The following TTC7A variants were observed in gnomAD, a reference collection of about 807,000 sequenced individuals.
TTC7A encodes the protein tetratricopeptide repeat domain 7A.
TTC7A carries 110 observed loss-of-function variants against 103.7 expected under a neutral mutation model. The observed-to-expected ratio is 1.06, with a 90% confidence interval of 0.91 to 1.24. The LOEUF is 1.24. Ranked by LOEUF, TTC7A falls within the 50% of genes most tolerant of loss-of-function variation. The pLI is 0.00. For missense variants in TTC7A, 1,340 were observed against 1,116.3 expected (o/e 1.20, Z -2.86); for synonymous variants, 521 against 467.9 (o/e 1.11, Z -1.47).
At chr2:47,005,299 A>C (rs1015923167) in intron 8 of TTC7A, among the ~76,000 whole-genome samples, 66 of 152,266 alleles carry the variant, frequency 4.3e-4, no homozygotes, top group Non-Finnish European at 5.9e-4. Context: ...AGAAGAGGGC[A>C]CTGGGGGCCA....
chr2:47,006,716 T>G lies in TTC7A; in HGVS notation c.1279T>G (p.Cys427Gly). ...CCAGGTGGCCCTCTCCATGGTGGCT[T>G]GTGGGAAGGTAAGGCCCAGGGGGCG... Reference protein sequence around the residue: ...WYQVALSMVACGKSAYAVSLL... With the variant: ...WYQVALSMVAGGKSAYAVSLL... The change falls in exon 10 of 20, where the codon TGT (cysteine) becomes GGT (glycine). Residue 427 changes from cysteine (C) to glycine (G), a missense_variant. Coordinates refer to ENST00000319190, the MANE Select transcript of TTC7A (RefSeq NM_020458.4). 8 of 1,613,634 alleles carry G rather than the reference T, an allele frequency of 5.0e-6. No individual in the cohort carries two copies. In the South Asian group the frequency reaches 8.8e-5, roughly 18 times the overall value.
intron 3 of TTC7A, among the ~76,000 whole-genome samples, chr2:46,959,200 G>A (rs1050983568): frequency 5.3e-5 from 8 of 152,180 alleles, no homozygotes; most frequent in Admixed American, 2.6e-4. Context: ...GACTGAGGCT[G>A]ACAAAAAGGA....
chr2:46,924,869 T>C (rs2103816665), intron 2 of TTC7A, among the ~76,000 whole-genome samples: 1 of 152,376 alleles, frequency 6.6e-6, no homozygotes, highest in East Asian at 1.9e-4. Flanking sequence ...TCAAGCAATC[T>C]GCCTGCCTTG....
At chr2:47,051,997 G>T in intron 18 of TTC7A, 117 bp downstream of exon 18, 1 of 1,320,726 alleles carries the variant, frequency 7.6e-7, no homozygotes, top group South Asian at 1.5e-5. Context: ...AGGCCCACGC[G>T]GGTTACAGAG....
rs1675832967 is a variant in TTC7A, at chr2:46,993,481, G to A, written c.796G>A (p.Glu266Lys). Residue 266 changes from glutamate (E) to lysine (K), a missense_variant, in exon 6 of 20, where the codon GAG becomes AAG. By Grantham distance (56) the Glu-to-Lys change is moderately conservative. Coordinates refer to ENST00000319190, the MANE Select transcript of TTC7A (RefSeq NM_020458.4). ...NIVKGMRELR[E>K]VLRTVETKAT... ...CGTGAAGGGCATGAGAGAGCTCCGG[G>A]AGGTGCTGCGGACTGTGGAGACCAA... 1.9e-6 allele frequency: 3 copies of A among 1,614,200 alleles called. No individual in the cohort carries two copies. Among genetic ancestry groups the A allele is most frequent in the Non-Finnish European group, 2.5e-6 (3 of 1,180,028 alleles).
intron 5 of TTC7A, among the ~76,000 whole-genome samples, chr2:46,984,520 C>T (rs1200805756): frequency 6.6e-6 from 1 of 152,206 alleles, no homozygotes; most frequent in African/African-American, 2.4e-5. Flanking sequence ...ATTTTCACAG[C>T]TGTTAACTTC....
intron 2 of TTC7A, among the ~76,000 whole-genome samples, chr2:46,925,802 TA>T (rs1395624754): frequency 6.6e-6 from 1 of 152,188 alleles, no homozygotes; most frequent in Non-Finnish European, 1.5e-5. Flanking sequence ...CAATGGAAGA[TA>T]AAAATAAAGT....
In TTC7A at chr2:46,994,446, C is replaced by T; in HGVS notation, c.933C>T (p.Phe311=). Residue 311 remains phenylalanine (F), a synonymous_variant, in exon 7 of 20, where the codon TTC becomes TTT. Transcript: ENST00000319190. ...WSPLSHPLPE[F]MGKEESSFAT... ...CCCTGTCCCACCCTCTGCCTGAGTT[C>T]ATGGGCAAGGAGGAGAGTTCTTTCG... The T allele has an allele frequency of 1.2e-5, 20 of 1,614,106 alleles. No homozygotes were observed. Among genetic ancestry groups the T allele is most frequent in the Non-Finnish European group, 1.7e-5 (20 of 1,179,982 alleles).
At chr2:47,003,592 A>G (rs13425630) in intron 8 of TTC7A, among the ~76,000 whole-genome samples, 51,172 of 151,996 alleles carry the variant, frequency 0.34, 10,230 homozygotes, top group African/African-American at 0.56. Context: ...TGGTCTGCAC[A>G]GACAGGCAGG....
At chr2:47,029,125 T>G in intron 14 of TTC7A, 99 bp from the exon 15 acceptor site, 181 of 1,417,544 alleles carry the variant, frequency 1.3e-4, no homozygotes, top group Non-Finnish European at 1.6e-4. Context: ...GGGGCTCCCT[T>G]GAGTTGAGTG....
At chr2:47,022,122 T>C (rs1679361142) in intron 12 of TTC7A, 143 bp downstream of exon 12, 1 of 611,438 alleles carries the variant, frequency 1.6e-6, no homozygotes, top group Non-Finnish European at 2.9e-6. Context: ...GAGATGCCCA[T>C]GTGTGCACAC....
chr2:47,072,779 G>GCAACCTT (rs1441463640), intron 19 of TTC7A, among the ~76,000 whole-genome samples: 1 of 147,528 alleles, frequency 6.8e-6, no homozygotes, highest in Non-Finnish European at 1.5e-5. Flanking sequence ...ACGGCATGAA[G>GCAACCTT]CAACCTTTGT....
At chr2:46,954,935 C>T (rs185912066) in intron 2 of TTC7A, among the ~76,000 whole-genome samples, 448 of 152,168 alleles carry the variant, frequency 2.9e-3, no homozygotes, top group African/African-American at 0.01. Flanking sequence ...CTAATTTTTC[C>T]CCAGCTTGGT....
At chr2:47,033,425 G>A (rs1476796730) in intron 15 of TTC7A, among the ~76,000 whole-genome samples, 1 of 152,214 alleles carries the variant, frequency 6.6e-6, no homozygotes, top group Non-Finnish European at 1.5e-5. Context: ...AGCCTGCCTC[G>A]GGAATGGCAG....
At chr2:46,927,965 C>T (rs966020676) in intron 2 of TTC7A, among the ~76,000 whole-genome samples, 3 of 132,600 alleles carry the variant, frequency 2.3e-5, no homozygotes, top group East Asian at 4.6e-4. Context: ...ACGGTCATGG[C>T]TCACTGCAGC....
At chr2:47,056,473 TA>T (rs1683326335) in intron 18 of TTC7A, among the ~76,000 whole-genome samples, 1 of 152,152 alleles carries the variant, frequency 6.6e-6, no homozygotes, top group South Asian at 2.1e-4. Context: ...CCCTGCTCAT[TA>T]GCACAGGGCC....
At chr2:47,014,178 C>G (rs1678379233) in intron 11 of TTC7A, among the ~76,000 whole-genome samples, 1 of 152,198 alleles carries the variant, frequency 6.6e-6, no homozygotes, top group Admixed American at 6.5e-5. Context: ...GACTTCCCAA[C>G]TAGGTGGGGA....
In TTC7A at chr2:46,956,903, G is replaced by C. The variant is rs541501653; in HGVS notation, c.413G>C (p.Arg138Pro). 4.6e-5 allele frequency: 75 copies of C among 1,614,210 alleles called. 1 individual carries two copies. The South Asian group carries it at 7.6e-4, about 16-fold the overall frequency. ...GKLHYVEGSYRDAISMYARAG... is the reference protein window; with the variant it reads ...GKLHYVEGSYPDAISMYARAG... ...CTGCATTACGTGGAGGGCTCATACCGAGATGCCATCAGCATGTACGCACGG... is the reference window on the plus strand; with the variant it reads ...CTGCATTACGTGGAGGGCTCATACCCAGATGCCATCAGCATGTACGCACGG... The change falls in exon 3 of 20, where the codon CGA (arginine) becomes CCA (proline). Residue 138 changes from arginine to proline, a missense_variant. By Grantham distance (103) the Arg-to-Pro change is moderately radical. Transcript: ENST00000319190.
rs546505351 is a variant in TTC7A, at chr2:47,066,814, C to T, written c.2355+5843C>T. ...CAAGGAATCCTTCCGCCTCAGCCTC[C>T]AAAAGTGCTGGGATTACAGGCATGA... is the stretch of plus-strand genomic sequence containing the variant. On this transcript the variant is annotated intron_variant, in intron 19 of 19. Transcript: ENST00000319190. 7.2e-5 allele frequency among the ~76,000 whole-genome samples: 11 copies of T among 152,306 alleles called. 1 individual carries two copies. Among genetic ancestry groups the T allele is most frequent in the African/African-American group, 2.6e-4 (11 of 41,570 alleles).
Sources: gnomAD v4.1 joint callset for allele counts (sites outside exome capture counted in the v4.1 genomes callset) on GRCh38, gnomAD v4.1.1 for gene constraint, MANE v1.5 for transcripts, NCBI Gene and HGNC (gene_info 2026-07-23, HGNC 2026-07-21) for gene names.